PCSK5: variants seen among roughly 807,000 people sequenced by gnomAD.
PCSK5 encodes proprotein convertase subtilisin/kexin type 5, also known as prohormone convertase 5.
A neutral mutation model predicts 233.2 loss-of-function variants in PCSK5; 129 were observed. The observed-to-expected ratio is 0.55, with a 90% confidence interval of 0.48 to 0.64. The LOEUF (loss-of-function observed/expected upper bound fraction) is 0.64. PCSK5 is among the 30% of genes least tolerant of loss of function. The pLI is 0.00. For missense variants in PCSK5, 2,076 were observed against 2,430.1 expected (o/e 0.85, Z 3.06); for synonymous variants, 825 against 879.2 (o/e 0.94, Z 1.09).
intron 9 of PCSK5, among the ~76,000 whole-genome samples, chr9:76,126,085 A>G (rs1378036311): frequency 6.6e-6 from 1 of 152,174 alleles, no homozygotes; most frequent in Non-Finnish European, 1.5e-5. Context: ...TATTTTCCTC[A>G]TAGTCACATT....
chr9:76,263,475 G>A (rs1291098449), intron 24 of PCSK5, among the ~76,000 whole-genome samples: 2 of 151,958 alleles, frequency 1.3e-5, no homozygotes, highest in African/African-American at 2.4e-5. Context: ...CGTGTCCTTT[G>A]TAGGGACATG....
intron 3 of PCSK5, among the ~76,000 whole-genome samples, chr9:75,991,528 C>G (rs910214265): frequency 6.6e-6 from 1 of 152,184 alleles, no homozygotes; most frequent in African/African-American, 2.4e-5. Context: ...CTTGCTGACA[C>G]TATTTTCTAT....
At position 75,990,667 on chromosome 9, in the gene PCSK5, T is replaced by C. The variant is rs144111055; in HGVS notation, c.411+4422T>C. Among the ~76,000 whole-genome samples, 89 of 152,328 alleles carry C rather than the reference T, an allele frequency of 5.8e-4. No homozygotes were observed. In the East Asian group the frequency reaches 0.013, roughly 22 times the overall value. On this transcript the variant is annotated intron_variant, in intron 3 of 37. Coordinates refer to ENST00000674117, the MANE Select transcript of PCSK5 (RefSeq NM_001372043.1). Reference sequence around the variant, plus strand: ...AGATTAATAAAGCAGGGGAGTAATATGTAAGCATCAAAGAAAACTTGCTGG... The same window carrying C: ...AGATTAATAAAGCAGGGGAGTAATACGTAAGCATCAAAGAAAACTTGCTGG...
intron 3 of PCSK5, among the ~76,000 whole-genome samples, chr9:76,022,429 C>T (rs527837042): frequency 2.6e-5 from 4 of 152,238 alleles, no homozygotes; most frequent in African/African-American, 7.2e-5. Context: ...CTTCCATTCC[C>T]GATATGCTGA....
At chr9:76,318,312 G>C (rs1199994672) in intron 30 of PCSK5, among the ~76,000 whole-genome samples, 1 of 152,092 alleles carries the variant, frequency 6.6e-6, no homozygotes, top group Admixed American at 6.6e-5. Flanking sequence ...ACCAGGGCCT[G>C]TCGGAGGGTA....
intron 24 of PCSK5, chr9:76,287,856 T>TTC (rs1267010355): frequency 4.7e-6 from 1 of 211,854 alleles, no homozygotes; most frequent in Admixed American, 4.2e-5. Flanking sequence ...TACTTCAGGC[T>TTC]TCTGCAGGTT....
chr9:76,207,793 G>A (rs1262609814), intron 20 of PCSK5, among the ~76,000 whole-genome samples: 1 of 152,154 alleles, frequency 6.6e-6, no homozygotes. Flanking sequence ...GTGAGCACCT[G>A]GAAAGTGCCA....
chr9:75,941,560 T>C (rs1207531423), intron 2 of PCSK5, among the ~76,000 whole-genome samples: 1 of 152,132 alleles, frequency 6.6e-6, no homozygotes, highest in Non-Finnish European at 1.5e-5. Context: ...TTAGGACAGC[T>C]CTCTCGTTTC....
chr9:75,903,613 A>AAGG, intron 1 of PCSK5, among the ~76,000 whole-genome samples: 1 of 142,640 alleles, frequency 7.0e-6, no homozygotes, highest in African/African-American at 2.6e-5. Context: ...TATATATATT[A>AAGG]TATATATATA....
chr9:76,340,402 T>C (rs1829794894), intron 35 of PCSK5, among the ~76,000 whole-genome samples: 2 of 151,994 alleles, frequency 1.3e-5, no homozygotes, highest in African/African-American at 2.4e-5. Context: ...TCCCAGCACT[T>C]TGGGAGGCTG....
chr9:76,121,814 G>T (rs1225211693), intron 9 of PCSK5, among the ~76,000 whole-genome samples: 6 of 61,752 alleles, frequency 9.7e-5, no homozygotes, highest in Non-Finnish European at 7.3e-5. Context: ...TCTTGTATTG[G>T]TTTTTTTTTT....
chr9:76,163,870 T>G lies in PCSK5; in HGVS notation c.1619+4699T>G, dbSNP rs528602618. Among the ~76,000 whole-genome samples, 336 of 117,604 alleles carry G rather than the reference T, an allele frequency of 2.9e-3. 1 individual carries two copies. The highest frequency in any genetic ancestry group is 0.011 in the African/African-American group (320 of 30,462). The allele number at this position is 117,604 out of a possible 152,430, so 77.2% of individuals were successfully genotyped here. A position where few individuals can be genotyped will look rare whatever the true frequency, so the allele number is the denominator to read the frequency against. ...TTATAAAAAGCTGTCTTTTTTTTTT[T>G]TTTTTTTTTCCTGAATCTCCCTTAT... On this transcript the variant is annotated intron_variant, in intron 12 of 37. Transcript: ENST00000674117.
intron 4 of PCSK5, among the ~76,000 whole-genome samples, chr9:76,025,812 T>C: frequency 6.6e-6 from 1 of 152,170 alleles, no homozygotes; most frequent in East Asian, 1.9e-4. Flanking sequence ...CATTAAGTAC[T>C]CAAATAACCA....
At chr9:76,324,448 C>T (rs1219945870) in intron 32 of PCSK5, among the ~76,000 whole-genome samples, 1 of 152,024 alleles carries the variant, frequency 6.6e-6, no homozygotes, top group Non-Finnish European at 1.5e-5. Flanking sequence ...CCAGGCTGGT[C>T]CTGAATGCCT....
intron 8 of PCSK5, among the ~76,000 whole-genome samples, chr9:76,099,246 T>C (rs771073830): frequency 2.6e-5 from 4 of 152,146 alleles, no homozygotes; most frequent in Admixed American, 6.5e-5. Flanking sequence ...TTTATATTAG[T>C]CTCTAGCTTC....
chr9:76,139,266 T>C (rs529854445), intron 10 of PCSK5, among the ~76,000 whole-genome samples: 23 of 152,276 alleles, frequency 1.5e-4, no homozygotes, highest in Admixed American at 1.4e-3. Flanking sequence ...TTTTGAGTTG[T>C]GTTTTGAGTA....
intron 3 of PCSK5, among the ~76,000 whole-genome samples, chr9:76,022,490 G>A (rs1421083797): frequency 6.6e-6 from 1 of 152,064 alleles, no homozygotes. Flanking sequence ...AAGACCTGGG[G>A]TGGCTCGTGT....
intron 25 of PCSK5, among the ~76,000 whole-genome samples, chr9:76,293,372 TCCAGAATAG>T (rs1222686645): frequency 2.0e-5 from 3 of 152,218 alleles, no homozygotes; most frequent in South Asian, 4.1e-4. Context: ...ATCTAACTTT[TCCAGAATAG>T]CCTGCCATTC....
chr9:76,302,258 A>T (rs1828634854), intron 28 of PCSK5, 41 bp downstream of exon 28: 2 of 961,378 alleles, frequency 2.1e-6, no homozygotes, highest in South Asian at 2.9e-5. Flanking sequence ...AGCAGCAGAG[A>T]CTATCTCTGG....
Sources: allele counts gnomAD v4.1 joint callset (sites outside exome capture counted in the v4.1 genomes callset), GRCh38; gene constraint gnomAD v4.1.1; transcripts MANE v1.5; gene names NCBI Gene and HGNC (gene_info 2026-07-23, HGNC 2026-07-21).